The following NBEA variants were observed in gnomAD, a reference collection of about 807,000 sequenced individuals.
NBEA encodes neurobeachin, also known as lysosomal-trafficking regulator 2.
NBEA carries 44 observed loss-of-function variants against 343.4 expected under a neutral mutation model. The observed-to-expected ratio is 0.13, with a 90% CI of 0.10 to 0.16. The LOEUF (loss-of-function observed/expected upper bound fraction) is 0.16. Ranked by LOEUF, NBEA falls within the 10% of genes least tolerant of loss-of-function variation. The pLI, the probability that NBEA is intolerant of heterozygous loss-of-function variation, is 1.00. For missense variants in NBEA, 2,555 were observed against 3,631.3 expected, an observed-to-expected ratio of 0.70 and a Z score of 7.62; for synonymous variants, 1,175 against 1,238.7, an observed-to-expected ratio of 0.95 and a Z score of 1.08.
intron 36 of NBEA, among the ~76,000 whole-genome samples, chr13:35,342,612 T>C (rs1232306029): frequency 6.6e-6 from 1 of 151,914 alleles, no homozygotes; most frequent in Non-Finnish European, 1.5e-5. Context: ...AATATGTGAG[T>C]TTGAACTGGA....
chr13:35,519,254 A>G (rs990003280), intron 41 of NBEA, among the ~76,000 whole-genome samples: 1 of 152,174 alleles, frequency 6.6e-6, no homozygotes, highest in Admixed American at 6.5e-5. Flanking sequence ...ACATTACCCA[A>G]ATTTCAAAAT....
intron 36 of NBEA, among the ~76,000 whole-genome samples, chr13:35,317,264 T>G (rs963545733): frequency 1.3e-5 from 2 of 152,206 alleles, no homozygotes; most frequent in Non-Finnish European, 2.9e-5. Context: ...TTAATCCATC[T>G]TGAGTTAATT....
chr13:35,484,073 T>C (rs935395320), intron 41 of NBEA, among the ~76,000 whole-genome samples: 1 of 152,044 alleles, frequency 6.6e-6, no homozygotes, highest in African/African-American at 2.4e-5. Flanking sequence ...TGTACCTAAA[T>C]GGATTTTTAA....
At chr13:35,074,976 C>G (rs1180899626) in intron 10 of NBEA, among the ~76,000 whole-genome samples, 1 of 152,188 alleles carries the variant, frequency 6.6e-6, no homozygotes, top group Non-Finnish European at 1.5e-5. Flanking sequence ...AGCCCTGTGT[C>G]CCTTTTCCCT....
intron 1 of NBEA, among the ~76,000 whole-genome samples, chr13:34,996,631 A>G (rs2060951010): frequency 6.6e-6 from 1 of 152,298 alleles, no homozygotes; most frequent in South Asian, 2.1e-4. Flanking sequence ...ACCATCCATT[A>G]TCTTCTTTTT....
chr13:35,126,138 C>T (rs1432903514), intron 17 of NBEA, among the ~76,000 whole-genome samples: 1 of 152,180 alleles, frequency 6.6e-6, no homozygotes, highest in Admixed American at 6.5e-5. Flanking sequence ...TTCCCCCCTG[C>T]TGTTCTTGTA....
intron 38 of NBEA, among the ~76,000 whole-genome samples, chr13:35,384,268 C>A (rs1375489243): frequency 6.6e-6 from 1 of 152,146 alleles, no homozygotes. Flanking sequence ...TTATCCTAAG[C>A]TTTTATACCT....
chr13:35,592,764 A>G (rs1454210721), intron 46 of NBEA, among the ~76,000 whole-genome samples: 2 of 151,916 alleles, frequency 1.3e-5, no homozygotes, highest in Admixed American at 1.3e-4. Flanking sequence ...TCTCCTAATC[A>G]CTCCCAAGAG....
At chr13:35,268,582 A>G (rs1176958369) in intron 34 of NBEA, among the ~76,000 whole-genome samples, 1 of 152,132 alleles carries the variant, frequency 6.6e-6, no homozygotes, top group East Asian at 1.9e-4. Context: ...TATTAAAAAT[A>G]ACACAAACAC....
intron 16 of NBEA, among the ~76,000 whole-genome samples, chr13:35,121,991 C>T (rs1056350341): frequency 5.3e-5 from 8 of 152,064 alleles, no homozygotes; most frequent in Non-Finnish European, 1.0e-4. Context: ...ATATAGTTGT[C>T]ATTGTCCCTT....
At chr13:35,364,254 C>A (rs915632271) in intron 38 of NBEA, among the ~76,000 whole-genome samples, 5 of 151,798 alleles carry the variant, frequency 3.3e-5, no homozygotes, top group Non-Finnish European at 7.4e-5. Context: ...CCCATATACA[C>A]AAATAGTCTA....
intron 45 of NBEA, among the ~76,000 whole-genome samples, chr13:35,577,356 A>C (rs949210480): frequency 6.6e-6 from 1 of 152,212 alleles, no homozygotes; most frequent in Non-Finnish European, 1.5e-5. Flanking sequence ...CAAAGGTTGA[A>C]GGCATAATGA....
intron 36 of NBEA, among the ~76,000 whole-genome samples, chr13:35,314,522 T>C (rs2037590228): frequency 6.6e-6 from 1 of 152,152 alleles, no homozygotes; most frequent in African/African-American, 2.4e-5. Flanking sequence ...TGATTTATAT[T>C]TACCTATCTA....
chr13:35,664,571 G>A (rs1197090404), intron 55 of NBEA, among the ~76,000 whole-genome samples: 1 of 152,144 alleles, frequency 6.6e-6, no homozygotes, highest in African/African-American at 2.4e-5. Context: ...AATGCTTCTG[G>A]GATATAATTC....
intron 48 of NBEA, among the ~76,000 whole-genome samples, chr13:35,615,288 A>C (rs1206675681): frequency 2.6e-5 from 1 of 38,128 alleles, no homozygotes; most frequent in Non-Finnish European, 5.3e-5. Context: ...ACCCTGTCTC[A>C]AAAAAAAAAA....
chr13:35,208,630 C>T (rs994353106), intron 31 of NBEA, 70 bp from the exon 32 acceptor site: 1 of 1,338,826 alleles, frequency 7.5e-7, no homozygotes, highest in Non-Finnish European at 1.0e-6. Flanking sequence ...CTATGTATAT[C>T]TGTTGCAGCA....
At chr13:35,109,603 A>G (rs1250116473) in intron 12 of NBEA, among the ~76,000 whole-genome samples, 161 bp downstream of exon 12, 2 of 152,128 alleles carry the variant, frequency 1.3e-5, no homozygotes, top group East Asian at 3.8e-4. Flanking sequence ...AAATATTTAT[A>G]AGCAGTAAAA....
chr13:35,466,556 T>C (rs961580554), intron 40 of NBEA, among the ~76,000 whole-genome samples: 1 of 152,166 alleles, frequency 6.6e-6, no homozygotes, highest in Non-Finnish European at 1.5e-5. Flanking sequence ...CAGCCTTGAC[T>C]TCCAGGGCTC....
Position 35,041,184 on chromosome 13 carries a change from G to C in NBEA, c.526+20G>C. 6.3e-7 allele frequency: 1 copy of C among 1,579,664 alleles called. No homozygotes were observed. The highest frequency in any genetic ancestry group is 8.7e-7 in the Non-Finnish European group (1 of 1,152,532). On this transcript the variant is annotated intron_variant, in intron 2 of 58. Coordinates refer to ENST00000379939, the MANE Select transcript of NBEA (RefSeq NM_001385012.1). ...TAGCAGGTATGGGGTTGTCTGACAGGAAAGTATAACTTAAATGTTTATAAA... is the reference window on the plus strand; with the variant it reads ...TAGCAGGTATGGGGTTGTCTGACAGCAAAGTATAACTTAAATGTTTATAAA...
Sources: gnomAD v4.1 joint callset for allele counts (sites outside exome capture counted in the v4.1 genomes callset) on GRCh38, gnomAD v4.1.1 for gene constraint, MANE v1.5 for transcripts, NCBI Gene and HGNC (gene_info 2026-07-23, HGNC 2026-07-21) for gene names.